The following FBLN1 variants were observed in gnomAD, a reference collection of about 807,000 sequenced individuals.
FBLN1 encodes the protein fibulin-1.
In FBLN1, 34 loss-of-function variants were observed where a neutral mutation model predicts 89.7. That is an observed-to-expected ratio of 0.38 (90% CI 0.29 to 0.50). The LOEUF is 0.50. Among genes scored for constraint, FBLN1 ranks in the 20% least tolerant of loss-of-function variants. FBLN1 has a pLI of 0.92. For synonymous variants in FBLN1, 393 were observed against 391.3 expected, an observed-to-expected ratio of 1.00 and a Z score of -0.05; for missense variants, 777 against 988.1, an observed-to-expected ratio of 0.79 and a Z score of 2.86.
At position 45,562,780 on chromosome 22, in the gene FBLN1, T is replaced by C; in HGVS notation, c.1698-11731T>C. ...GCAGGTGAGTGAGGTGTGCCCTTCGTGTTGGCTGAATCGGCCAGAGGGGCG... is the reference window on the plus strand; with the variant it reads ...GCAGGTGAGTGAGGTGTGCCCTTCGCGTTGGCTGAATCGGCCAGAGGGGCG... On this transcript the variant is annotated intron_variant, in intron 14 of 16. Transcript: ENST00000327858. This position sits in a 1 kb window ranked among gnomAD's most constrained non-coding sequence, Gnocchi z 7.8. 1.1e-6 allele frequency: 1 copy of C among 879,754 alleles called. No individual in the cohort carries two copies. The highest frequency in any genetic ancestry group is 1.9e-6 in the Non-Finnish European group (1 of 526,508). The allele number at this position is 879,754 out of a possible 1,614,324, so 54.5% of individuals were successfully genotyped here.
intron 16 of FBLN1, among the ~76,000 whole-genome samples, chr22:45,585,012 TTTA>T (rs1185097267): frequency 6.6e-6 from 1 of 152,212 alleles, no homozygotes; most frequent in Non-Finnish European, 1.5e-5. Flanking sequence ...GCATCCTGCT[TTTA>T]AGAAGCTCCC....
At chr22:45,538,180 A>G (rs780214090) in intron 8 of FBLN1, among the ~76,000 whole-genome samples, 7 of 152,186 alleles carry the variant, frequency 4.6e-5, no homozygotes, top group East Asian at 1.9e-4. Context: ...GACAGCATCG[A>G]AAGCCAAATG....
At position 45,512,648 on chromosome 22, in the gene FBLN1, T is replaced by C. The variant is rs1476959353; in HGVS notation, c.80-6034T>C. On this transcript the variant is annotated intron_variant, in intron 1 of 16. Coordinates refer to ENST00000327858, the MANE Select transcript of FBLN1 (RefSeq NM_006486.3). ...GAGCAGCTGGAAGTCCCTGCAGGGATGCGGGAGGCACAGCCAGGGTGGGGC... is the reference window on the plus strand; with the variant it reads ...GAGCAGCTGGAAGTCCCTGCAGGGACGCGGGAGGCACAGCCAGGGTGGGGC... Among the ~76,000 whole-genome samples the C allele has an allele frequency of 1.3e-4, 20 of 152,182 alleles. 1 individual carries two copies.
intron 1 of FBLN1, among the ~76,000 whole-genome samples, chr22:45,516,565 C>A (rs1195480732): frequency 2.0e-5 from 3 of 152,206 alleles, no homozygotes; most frequent in Admixed American, 6.5e-5. Context: ...TGCTGGGAGG[C>A]AACTCCAGAC....
Position 45,550,772 on chromosome 22 carries a change from T to A in FBLN1, c.1697+157T>A, listed in dbSNP as rs1569251925. The A allele has an allele frequency of 9.6e-7, 1 of 1,042,640 alleles. No homozygotes were observed. The highest frequency in any genetic ancestry group is 1.5e-6 in the Non-Finnish European group (1 of 680,162). 64.6% of individuals were successfully genotyped at this position (1,042,640 alleles called of 1,614,324 possible). On this transcript the variant is annotated intron_variant, in intron 14 of 16. Coordinates refer to ENST00000327858, the MANE Select transcript of FBLN1 (RefSeq NM_006486.3). This position sits in a 1 kb window ranked among gnomAD's most constrained non-coding sequence, Gnocchi z 8.4. ...ACCTGATCCCTGGCCCTCAAGCCCC[T>A]AAATGCTAGTGACACTGGTCTCGGA...
intron 1 of FBLN1, among the ~76,000 whole-genome samples, chr22:45,509,313 A>C (rs1426324788): frequency 6.6e-6 from 1 of 151,944 alleles, no homozygotes; most frequent in Non-Finnish European, 1.5e-5. Flanking sequence ...CTGTGGGGAG[A>C]ATGCTTCTCG....
intron 1 of FBLN1, among the ~76,000 whole-genome samples, chr22:45,507,456 T>A (rs1011070428): frequency 6.6e-6 from 1 of 152,188 alleles, no homozygotes; most frequent in East Asian, 1.9e-4. Flanking sequence ...TGCTTTACAT[T>A]TAGTAACCAA....
At chr22:45,547,393 T>G (rs2088645386) in intron 12 of FBLN1, among the ~76,000 whole-genome samples, 189 bp downstream of exon 12, 3 of 137,348 alleles carry the variant, frequency 2.2e-5, no homozygotes, top group South Asian at 2.6e-4. Flanking sequence ...GAGGTTTTTT[T>G]TTTTTTTTTT....
chr22:45,568,714 CCTTCTGTAGGAGAATGCTCCTGTAGGGGA>C (rs1417168481), intron 14 of FBLN1, among the ~76,000 whole-genome samples: 25 of 80,110 alleles, frequency 3.1e-4, no homozygotes, highest in South Asian at 8.0e-4. Flanking sequence ...GGGGAGTGCT[CCTTCTGTAGGAGAATGCTCCTGTAGGGGA>C]CTTCTGTAGG....
rs2089005213 is a variant in FBLN1 at position 45,577,190 on chromosome 22, A to G, written c.1972+82A>G. 1.3e-6 allele frequency: 2 copies of G among 1,499,306 alleles called. No homozygotes were observed. Among genetic ancestry groups the G allele is most frequent in the Non-Finnish European group, 1.8e-6 (2 of 1,088,558 alleles). 92.9% of individuals were successfully genotyped at this position (1,499,306 alleles called of 1,614,324 possible). A position where few individuals can be genotyped will look rare whatever the true frequency, so the allele number is the denominator to read the frequency against. On this transcript the variant is annotated intron_variant, in intron 16 of 16. Transcript: ENST00000327858. The surrounding 1 kb of genome is among the most constrained non-coding windows in gnomAD (Gnocchi z 6.6). ...CCCTCTCTGGCCCAGCCCAACTCCC[A>G]TCTGAGTCCCCTCCCCAAATTCAAG...
At chr22:45,540,465 G>A (rs1449106292) in intron 8 of FBLN1, among the ~76,000 whole-genome samples, 2 of 152,120 alleles carry the variant, frequency 1.3e-5, no homozygotes, top group African/African-American at 2.4e-5. Flanking sequence ...TCTGACTTAC[G>A]CTCAGGGGTC....
chr22:45,527,812 G>A (rs776376848), intron 3 of FBLN1, 35 bp from the exon 4 acceptor site: 25 of 1,612,010 alleles, frequency 1.6e-5, no homozygotes, highest in South Asian at 3.3e-5. Flanking sequence ...CTGTCTGCCC[G>A]CTCCTCCATC....
At chr22:45,539,457 C>T (rs2088526735) in intron 8 of FBLN1, among the ~76,000 whole-genome samples, 1 of 152,090 alleles carries the variant, frequency 6.6e-6, no homozygotes, top group Admixed American at 6.5e-5. Flanking sequence ...CCTCGGCTTC[C>T]CAAAGTGCTG....
At chr22:45,515,833 G>A (rs373428232) in intron 1 of FBLN1, among the ~76,000 whole-genome samples, 2 of 152,214 alleles carry the variant, frequency 1.3e-5, no homozygotes, top group Non-Finnish European at 2.9e-5. Context: ...TCAGAGAGGC[G>A]GCGCTGCCTG....
intron 1 of FBLN1, among the ~76,000 whole-genome samples, chr22:45,506,405 C>T (rs1291288143): frequency 6.6e-6 from 1 of 152,230 alleles, no homozygotes; most frequent in Non-Finnish European, 1.5e-5. Context: ...TAAGGGACAG[C>T]TCAGTGCCAG....
At chr22:45,521,289 G>A (rs546554421) in intron 2 of FBLN1, among the ~76,000 whole-genome samples, 4 of 152,278 alleles carry the variant, frequency 2.6e-5, no homozygotes, top group South Asian at 2.1e-4. Context: ...CCTGGGTATC[G>A]TGAGTTTCCA....
Position 45,541,305 on chromosome 22 carries a change from G to A in FBLN1, c.999G>A (p.Thr333=), listed in dbSNP as rs137862116. 1.6e-4 allele frequency: 255 copies of A among 1,614,120 alleles called. No homozygotes were observed. The highest frequency in any genetic ancestry group is 3.3e-4 in the Middle Eastern group (2 of 6,080). Residue 333 remains threonine, a synonymous_variant, in exon 9 of 17, where the codon ACG becomes ACA. Coordinates refer to ENST00000327858, the MANE Select transcript of FBLN1 (RefSeq NM_006486.3). ...HTCINTEGSY[T]CQKNVPNCGR... ...GCATCAACACAGAGGGCTCCTACAC[G>A]TGCCAGAAGAACGTGCCCAACTGTG...
intron 16 of FBLN1, among the ~76,000 whole-genome samples, chr22:45,586,290 G>A (rs369187051): frequency 2.6e-5 from 4 of 152,210 alleles, no homozygotes; most frequent in East Asian, 1.9e-4. Flanking sequence ...GCGGGGTACA[G>A]CCCGCTCAGC....
At chr22:45,599,533 G>T (rs2089213433) in intron 16 of FBLN1, among the ~76,000 whole-genome samples, 1 of 152,116 alleles carries the variant, frequency 6.6e-6, no homozygotes, top group African/African-American at 2.4e-5. Flanking sequence ...CTTCTCAGGG[G>T]TCAGAACTGG....
Sources: gnomAD v4.1 joint callset for allele counts (sites outside exome capture counted in the v4.1 genomes callset) on GRCh38, gnomAD v4.1.1 for gene constraint, Gnocchi (gnomAD v3.1) non-coding constraint, MANE v1.5 for transcripts, NCBI Gene and HGNC (gene_info 2026-07-23, HGNC 2026-07-21) for gene names.